The following TAFA5 variants were observed in gnomAD, a reference collection of about 807,000 sequenced individuals.
TAFA5 encodes TAFA chemokine like family member 5, also known as chemokine-like protein TAFA-5.
In TAFA5, 6 loss-of-function variants were observed where a neutral mutation model predicts 15.3. The observed-to-expected ratio is 0.39, with a 90% CI of 0.21 to 0.77. The LOEUF (loss-of-function observed/expected upper bound fraction) is 0.77. Ranked by LOEUF, TAFA5 falls within the 30% of genes least tolerant of loss-of-function variation. The pLI, the probability that TAFA5 is intolerant of heterozygous loss-of-function variation, is 0.41. For synonymous variants in TAFA5, 103 were observed against 80.7 expected, an observed-to-expected ratio of 1.28 and a Z score of -1.48; for missense variants, 161 against 193.1, an observed-to-expected ratio of 0.83 and a Z score of 0.98.
intron 2 of TAFA5, among the ~76,000 whole-genome samples, chr22:48,676,110 G>T (rs552775127): frequency 2.0e-5 from 3 of 152,262 alleles, no homozygotes; most frequent in Non-Finnish European, 4.4e-5. Context: ...GGGCTCACAG[G>T]CAGCCTCCCT....
intron 1 of TAFA5, among the ~76,000 whole-genome samples, chr22:48,616,841 G>T (rs1304098526): frequency 6.6e-6 from 1 of 152,202 alleles, no homozygotes; most frequent in Non-Finnish European, 1.5e-5. Context: ...CAGGTCCGTG[G>T]GGACCCCTAG....
Position 48,541,800 on chromosome 22 carries a change from C to T in TAFA5, c.112+52096C>T, listed in dbSNP as rs1018513866. Among the ~76,000 whole-genome samples, 4 of 152,192 alleles carry T rather than the reference C, an allele frequency of 2.6e-5. No homozygotes were observed. In the East Asian group the frequency reaches 5.8e-4, roughly 22 times the overall value. On this transcript the variant is annotated intron_variant, in intron 1 of 3. Transcript: ENST00000402357. ...CAAGGTCTGCAGCCCTGCCAGGCTC[C>T]GGGTCTTGAGTGCCACCACCCGTGC...
intron 3 of TAFA5, among the ~76,000 whole-genome samples, chr22:48,722,824 C>T (rs975314170): frequency 4.6e-5 from 7 of 152,170 alleles, no homozygotes; most frequent in South Asian, 2.1e-4. Flanking sequence ...CTGGGCTGCA[C>T]GCCACAGGGC....
intron 1 of TAFA5, among the ~76,000 whole-genome samples, chr22:48,505,575 C>A (rs1280919833): frequency 6.6e-6 from 1 of 152,240 alleles, no homozygotes; most frequent in Admixed American, 6.5e-5. Context: ...GCATGGCCAG[C>A]GGGGCACTGC....
At chr22:48,740,341 T>G (rs1460983829) in intron 3 of TAFA5, among the ~76,000 whole-genome samples, 1 of 152,180 alleles carries the variant, frequency 6.6e-6, no homozygotes, top group Non-Finnish European at 1.5e-5. Flanking sequence ...CTCCCCGCAT[T>G]GGCTGCGTGG....
chr22:48,696,646 G>A (rs1313771887), intron 2 of TAFA5, among the ~76,000 whole-genome samples: 3 of 152,216 alleles, frequency 2.0e-5, no homozygotes, highest in Non-Finnish European at 2.9e-5. Context: ...CCCTGCAGGT[G>A]TCCAGGCAGC....
intron 2 of TAFA5, among the ~76,000 whole-genome samples, chr22:48,702,111 C>G (rs1348160292): frequency 1.4e-5 from 2 of 138,612 alleles, no homozygotes. Context: ...AGAGGGCACA[C>G]AGTGGACTTG....
At chr22:48,497,518 G>A (rs1381849700) in intron 1 of TAFA5, among the ~76,000 whole-genome samples, 5 of 135,064 alleles carry the variant, frequency 3.7e-5, no homozygotes, top group South Asian at 5.4e-4. Flanking sequence ...GCCTGGGGGC[G>A]GGGCTGAGGG....
chr22:48,655,259 C>T (rs575789627), intron 2 of TAFA5, among the ~76,000 whole-genome samples: 3 of 152,310 alleles, frequency 2.0e-5, no homozygotes, highest in Admixed American at 2.0e-4. Flanking sequence ...AGCCCTCACT[C>T]TTCTGCGGGA....
At position 48,750,053 on chromosome 22, in the gene TAFA5, C is replaced by CA; in HGVS notation, c.*207dup. 1.7e-6 allele frequency: 1 copy of CA among 603,926 alleles called. No individual in the cohort carries two copies. Among genetic ancestry groups the CA allele is most frequent in the Non-Finnish European group, 2.9e-6 (1 of 340,590 alleles). The allele number at this position is 603,926 out of a possible 1,614,324, so 37.4% of individuals were successfully genotyped here. On this transcript the variant is annotated 3_prime_UTR_variant, in exon 4 of 4. Transcript: ENST00000402357. ...CCGACCCGAGGAGGCCGGACTCAGA[C>CA]ACATAGGCGGGGGGCGGCACCTGGC...
intron 1 of TAFA5, among the ~76,000 whole-genome samples, chr22:48,623,958 A>T (rs1337428959): frequency 1.3e-5 from 2 of 152,226 alleles, no homozygotes; most frequent in African/African-American, 4.8e-5. Flanking sequence ...TTGGCTTGTC[A>T]TCTTCAGCTG....
chr22:48,597,475 A>C (rs1924809538), intron 1 of TAFA5, among the ~76,000 whole-genome samples: 1 of 135,610 alleles, frequency 7.4e-6, no homozygotes, highest in Non-Finnish European at 1.6e-5. Flanking sequence ...CCACGCCACC[A>C]TGGCCTGCAT....
At chr22:48,565,588 C>T (rs1923382471) in intron 1 of TAFA5, among the ~76,000 whole-genome samples, 1 of 152,208 alleles carries the variant, frequency 6.6e-6, no homozygotes. Context: ...TTAGGGCATC[C>T]ACAGAGAAAC....
At chr22:48,602,754 G>A (rs28613520) in intron 1 of TAFA5, among the ~76,000 whole-genome samples, 22,906 of 152,054 alleles carry the variant, frequency 0.15, 1,956 homozygotes, top group South Asian at 0.23. Flanking sequence ...ACCTGCTGGT[G>A]TCCAGTGAAC....
intron 1 of TAFA5, chr22:48,576,393 G>T: frequency 8.2e-7 from 1 of 1,222,014 alleles, no homozygotes; most frequent in African/African-American, 1.6e-5. Context: ...GCGGGCGGCC[G>T]CGGAGGCTGC....
At chr22:48,529,960 T>G (rs1039980414) in intron 1 of TAFA5, among the ~76,000 whole-genome samples, 2 of 152,040 alleles carry the variant, frequency 1.3e-5, no homozygotes, top group Non-Finnish European at 2.9e-5. Context: ...CACAGGGTGT[T>G]GGACACCCCC....
At chr22:48,596,964 C>T (rs1396116420) in intron 1 of TAFA5, among the ~76,000 whole-genome samples, 2 of 152,162 alleles carry the variant, frequency 1.3e-5, no homozygotes, top group African/African-American at 2.4e-5. Context: ...TGCACCCCCA[C>T]GCTTGACTAG....
intron 2 of TAFA5, among the ~76,000 whole-genome samples, chr22:48,670,715 G>T (rs1927776430): frequency 6.6e-6 from 1 of 152,248 alleles, no homozygotes; most frequent in South Asian, 2.1e-4. Context: ...TCAGGATGTA[G>T]GAAAATGCTG....
chr22:48,662,004 G>A (rs577000708), intron 2 of TAFA5, among the ~76,000 whole-genome samples: 11 of 130,340 alleles, frequency 8.4e-5, no homozygotes, highest in African/African-American at 2.4e-4. Flanking sequence ...GCTCATTGGG[G>A]TGCCTACTTT....
Sources: gnomAD v4.1 joint callset for allele counts (sites outside exome capture counted in the v4.1 genomes callset) on GRCh38, gnomAD v4.1.1 for gene constraint, MANE v1.5 for transcripts, NCBI Gene and HGNC (gene_info 2026-07-23, HGNC 2026-07-21) for gene names.